TMEM132D: variants seen among roughly 807,000 people sequenced by gnomAD.
The protein encoded by TMEM132D is transmembrane protein 132D.
Under a neutral mutation model 62.3 loss-of-function variants are expected in TMEM132D, and 21 were observed. The observed-to-expected ratio is 0.34, with a 90% CI of 0.24 to 0.49. TMEM132D has a LOEUF of 0.49. Ranked by LOEUF, TMEM132D falls within the 20% of genes least tolerant of loss-of-function variation. The probability of loss-of-function intolerance (pLI) is 0.99; values close to 1 mark genes in which losing one functional copy is unlikely to be tolerated. For missense variants in TMEM132D, 1,346 were observed against 1,402.8 expected (o/e 0.96, Z 0.65); for synonymous variants, 621 against 575.6 (o/e 1.08, Z -1.13).
chr12:129,548,488 A>C (rs1045992377), intron 2 of TMEM132D, among the ~76,000 whole-genome samples: 6 of 152,224 alleles, frequency 3.9e-5, no homozygotes, highest in Non-Finnish European at 8.8e-5. Flanking sequence ...TCTCTCAGTC[A>C]CGCCATAAAA....
intron 5 of TMEM132D, among the ~76,000 whole-genome samples, chr12:129,117,276 AG>A (rs372734776): frequency 4.7e-5 from 7 of 150,262 alleles, no homozygotes; most frequent in African/African-American, 1.7e-4. Flanking sequence ...CAGGGGGAGG[AG>A]GGGGGAGGAA....
intron 3 of TMEM132D, among the ~76,000 whole-genome samples, chr12:129,380,576 T>C (rs1019046120): frequency 6.6e-6 from 1 of 152,108 alleles, no homozygotes; most frequent in African/African-American, 2.4e-5. Context: ...TGTGCGTGTG[T>C]GTGTGTGCAT....
chr12:129,227,300 AAT>A (rs141108255), intron 4 of TMEM132D, among the ~76,000 whole-genome samples: 6,911 of 108,596 alleles, frequency 0.064, 748 homozygotes, highest in African/African-American at 0.16. Flanking sequence ...TGCGTTAGGA[AAT>A]ATATATATAT....
At chr12:129,790,922 AG>A (rs1277520838) in intron 1 of TMEM132D, among the ~76,000 whole-genome samples, 1 of 152,246 alleles carries the variant, frequency 6.6e-6, no homozygotes, top group Admixed American at 6.5e-5. Flanking sequence ...ACAAATATTC[AG>A]GCTATCTGCA....
intron 4 of TMEM132D, among the ~76,000 whole-genome samples, chr12:129,239,841 T>C (rs552922277): frequency 1.3e-5 from 2 of 152,180 alleles, no homozygotes; most frequent in Non-Finnish European, 2.9e-5. Flanking sequence ...TTTACAATGC[T>C]TCAAGTGATT....
intron 2 of TMEM132D, among the ~76,000 whole-genome samples, chr12:129,615,821 A>AAAAT (rs1878900728): frequency 6.6e-6 from 1 of 150,838 alleles, no homozygotes; most frequent in Admixed American, 6.6e-5. Context: ...AAAATAAAAT[A>AAAAT]AAATAAAATA....
chr12:129,777,194 GGTCT>G (rs775221582), intron 1 of TMEM132D, among the ~76,000 whole-genome samples: 18 of 152,124 alleles, frequency 1.2e-4, no homozygotes, highest in African/African-American at 3.9e-4. Flanking sequence ...ATTCAGCGGT[GGTCT>G]GATACCACAA....
intron 6 of TMEM132D, among the ~76,000 whole-genome samples, chr12:129,082,987 A>C (rs1874503266): frequency 1.3e-5 from 2 of 152,132 alleles, no homozygotes; most frequent in African/African-American, 4.8e-5. Context: ...GGCCTCCCAA[A>C]GTGCTGGGAC....
chr12:129,109,645 TTA>T (rs1288038468), intron 5 of TMEM132D: 1 of 157,416 alleles, frequency 6.4e-6, no homozygotes, highest in Non-Finnish European at 1.4e-5. Context: ...TCTGATGGGT[TTA>T]TCCGGTGTTT....
intron 5 of TMEM132D, among the ~76,000 whole-genome samples, chr12:129,114,687 C>T (rs1875837702): frequency 6.6e-6 from 1 of 152,146 alleles, no homozygotes; most frequent in Admixed American, 6.5e-5. Flanking sequence ...TACTCTGGCT[C>T]TTATCCTCTA....
chr12:129,883,744 T>C lies in TMEM132D; in HGVS notation c.79+19517A>G, dbSNP rs111660495. 1.4e-3 allele frequency among the ~76,000 whole-genome samples: 218 copies of C among 152,276 alleles called. 2 individuals carry two copies. The highest frequency in any genetic ancestry group is 5.1e-3 in the African/African-American group (210 of 41,550). ...AAGAGAGCTCAGAGTATATCTACCA[T>C]ATACGGTCAGACAACCTTGACAAAA... On this transcript the variant is annotated intron_variant, in intron 1 of 8. Coordinates refer to ENST00000422113, the MANE Select transcript of TMEM132D (RefSeq NM_133448.3).
intron 3 of TMEM132D, among the ~76,000 whole-genome samples, chr12:129,514,229 C>T (rs1875607977): frequency 6.6e-6 from 1 of 152,132 alleles, no homozygotes; most frequent in Non-Finnish European, 1.5e-5. Context: ...TTGTTTCCTG[C>T]ACCCATAATT....
intron 1 of TMEM132D, among the ~76,000 whole-genome samples, chr12:129,836,615 A>G (rs910013589): frequency 6.6e-6 from 1 of 152,112 alleles, no homozygotes. Flanking sequence ...TTAGCTCTTT[A>G]TTAAGTAAAA....
intron 1 of TMEM132D, among the ~76,000 whole-genome samples, chr12:129,900,680 C>T (rs1261987163): frequency 6.6e-6 from 1 of 152,190 alleles, no homozygotes; most frequent in East Asian, 1.9e-4. Flanking sequence ...CTCAGCCCAC[C>T]CTCCATACAC....
rs144859928 is a variant in TMEM132D at position 129,786,415 on chromosome 12, G to A, written c.80-85717C>T. ...GGTAACACCTCGTGGCGAAAATGGG[G>A]CCTGCTTTTGTCACAAGGGAAAAAA... On this transcript the variant is annotated intron_variant, in intron 1 of 8. Transcript: ENST00000422113. Among the ~76,000 whole-genome samples, 438 of 152,264 alleles carry A rather than the reference G, an allele frequency of 2.9e-3. 4 individuals carry two copies. The highest frequency in any genetic ancestry group is 4.2e-3 in the Non-Finnish European group (286 of 68,026).
At chr12:129,203,515 C>A (rs1878763637) in intron 5 of TMEM132D, among the ~76,000 whole-genome samples, 1 of 151,592 alleles carries the variant, frequency 6.6e-6, no homozygotes, top group Non-Finnish European at 1.5e-5. Flanking sequence ...GAGGGCAGGG[C>A]AGGCATTGTT....
intron 3 of TMEM132D, among the ~76,000 whole-genome samples, chr12:129,443,082 C>T (rs988540995): frequency 2.0e-5 from 3 of 152,190 alleles, no homozygotes; most frequent in African/African-American, 4.8e-5. Context: ...CACTCCAGAG[C>T]TCCCCTTGGG....
chr12:129,492,741 G>C (rs1374343837), intron 3 of TMEM132D, among the ~76,000 whole-genome samples: 1 of 152,072 alleles, frequency 6.6e-6, no homozygotes, highest in Non-Finnish European at 1.5e-5. Context: ...GGAGTTTTCT[G>C]TTTTCCACTC....
intron 5 of TMEM132D, among the ~76,000 whole-genome samples, chr12:129,163,700 G>A (rs949468193): frequency 2.0e-5 from 3 of 152,238 alleles, no homozygotes; most frequent in African/African-American, 7.2e-5. Context: ...GCCTTGGGGT[G>A]TTAATGGCTT....
Sources: allele counts gnomAD v4.1 joint callset (sites outside exome capture counted in the v4.1 genomes callset), GRCh38; gene constraint gnomAD v4.1.1; transcripts MANE v1.5; gene names NCBI Gene and HGNC (gene_info 2026-07-23, HGNC 2026-07-21).